The following DLG2 variants were observed in gnomAD, a reference collection of about 807,000 sequenced individuals.
DLG2 encodes discs large MAGUK scaffold protein 2.
A neutral mutation model predicts 132.5 loss-of-function variants in DLG2; 45 were observed. The ratio of observed to expected loss-of-function variants is 0.34; its 90% confidence interval spans 0.27 to 0.44. The LOEUF (loss-of-function observed/expected upper bound fraction) is 0.44. DLG2 is among the 20% of genes least tolerant of loss of function. The pLI, the probability that DLG2 is intolerant of heterozygous loss-of-function variation, is 1.00. For synonymous variants in DLG2, 424 were observed against 419.6 expected (o/e 1.01, Z -0.13); for missense variants, 1,045 against 1,196.9 (o/e 0.87, Z 1.87).
intron 15 of DLG2, among the ~76,000 whole-genome samples, chr11:83,928,646 C>A (rs992489176): frequency 1.8e-4 from 27 of 152,094 alleles, no homozygotes; most frequent in African/African-American, 6.3e-4. Flanking sequence ...CCAGGTCAGT[C>A]ATCATCTGGG....
At chr11:83,561,890 T>C (rs1333023695) in intron 19 of DLG2, among the ~76,000 whole-genome samples, 32 of 136,752 alleles carry the variant, frequency 2.3e-4, no homozygotes, top group Admixed American at 8.6e-4. Flanking sequence ...TTTCTTTTTT[T>C]TTTTTTTTTT....
chr11:84,820,210 C>A (rs934055751), intron 6 of DLG2, among the ~76,000 whole-genome samples: 3 of 151,722 alleles, frequency 2.0e-5, no homozygotes, highest in Non-Finnish European at 2.9e-5. Flanking sequence ...TATTCAGAAC[C>A]ATTATCAGGG....
chr11:84,157,847 G>A (rs925712564), intron 9 of DLG2, among the ~76,000 whole-genome samples: 1 of 152,202 alleles, frequency 6.6e-6, no homozygotes, highest in African/African-American at 2.4e-5. Context: ...TTCACTCTGT[G>A]TGGCAAGTGG....
At chr11:83,618,212 T>C (rs1363254182) in intron 19 of DLG2, among the ~76,000 whole-genome samples, 3 of 152,204 alleles carry the variant, frequency 2.0e-5, no homozygotes, top group Non-Finnish European at 4.4e-5. Flanking sequence ...CAGCAGGTCA[T>C]GATAATATTA....
chr11:84,677,689 G>C (rs374427711), intron 6 of DLG2, among the ~76,000 whole-genome samples: 1 of 151,986 alleles, frequency 6.6e-6, no homozygotes, highest in Non-Finnish European at 1.5e-5. Context: ...CTAGAGACCA[G>C]CTTGATCAGC....
intron 11 of DLG2, among the ~76,000 whole-genome samples, chr11:84,058,110 CCA>C (rs201885408): frequency 0.012 from 1,852 of 152,172 alleles, 38 homozygotes; most frequent in African/African-American, 0.043. Context: ...ATCTTAAATA[CCA>C]CCCACTACTG....
At chr11:84,689,153 C>T (rs1052846988) in intron 6 of DLG2, among the ~76,000 whole-genome samples, 1 of 152,098 alleles carries the variant, frequency 6.6e-6, no homozygotes, top group Admixed American at 6.5e-5. Context: ...ATTGGCTATA[C>T]AGTTTTATCT....
At chr11:83,756,844 G>A (rs2093668750) in intron 18 of DLG2, among the ~76,000 whole-genome samples, 1 of 146,298 alleles carries the variant, frequency 6.8e-6, no homozygotes, top group African/African-American at 2.8e-5. Context: ...ACATTTGTAT[G>A]AGAAAAACCC....
At chr11:84,421,440 C>T (rs1397719440) in intron 7 of DLG2, among the ~76,000 whole-genome samples, 1 of 152,102 alleles carries the variant, frequency 6.6e-6, no homozygotes, top group Non-Finnish European at 1.5e-5. Context: ...GGGTAGAGTG[C>T]AACAATGTGT....
chr11:85,199,656 C>T (rs1191175093), intron 4 of DLG2, among the ~76,000 whole-genome samples: 1 of 152,192 alleles, frequency 6.6e-6, no homozygotes, highest in Non-Finnish European at 1.5e-5. Flanking sequence ...TAGTTGACCT[C>T]TCTTTGGAAA....
intron 21 of DLG2, among the ~76,000 whole-genome samples, chr11:83,509,562 C>A (rs980474766): frequency 2.4e-4 from 37 of 151,918 alleles, no homozygotes; most frequent in African/African-American, 8.5e-4. Flanking sequence ...CTTATGGTAC[C>A]CCATCTCTTA....
intron 4 of DLG2, among the ~76,000 whole-genome samples, chr11:85,246,994 G>C (rs2076167355): frequency 6.6e-6 from 1 of 152,044 alleles, no homozygotes; most frequent in Admixed American, 6.6e-5. Flanking sequence ...GGCATTTTCA[G>C]CTTCATCTTT....
chr11:85,092,854 G>T (rs540000280), intron 6 of DLG2, among the ~76,000 whole-genome samples: 128 of 152,166 alleles, frequency 8.4e-4, no homozygotes, highest in African/African-American at 3.1e-3. Flanking sequence ...TGTTGGCCAG[G>T]ATGGTCTTGA....
At chr11:84,034,974 A>G (rs1324737472) in intron 11 of DLG2, among the ~76,000 whole-genome samples, 1 of 152,138 alleles carries the variant, frequency 6.6e-6, no homozygotes, top group Non-Finnish European at 1.5e-5. Context: ...CTTCTCCAAC[A>G]TAGGTGAACA....
chr11:85,550,671 A>G (rs2076612899), intron 3 of DLG2, among the ~76,000 whole-genome samples: 2 of 152,346 alleles, frequency 1.3e-5, no homozygotes, highest in African/African-American at 4.8e-5. Context: ...AGGCAGAAAC[A>G]TCTGCATGGA....
At chr11:84,404,974 G>T (rs1299078068) in intron 7 of DLG2, among the ~76,000 whole-genome samples, 2 of 152,072 alleles carry the variant, frequency 1.3e-5, no homozygotes, top group African/African-American at 4.8e-5. Flanking sequence ...AGGAAGGAAG[G>T]AAACAAACAC....
At chr11:85,035,346 C>T (rs2154146557) in intron 6 of DLG2, among the ~76,000 whole-genome samples, 1 of 152,218 alleles carries the variant, frequency 6.6e-6, no homozygotes, top group East Asian at 1.9e-4. Context: ...TAAAGAATAC[C>T]TGAGACTAGG....
At chr11:85,447,102 A>C (rs189659297) in intron 3 of DLG2, among the ~76,000 whole-genome samples, 4 of 152,302 alleles carry the variant, frequency 2.6e-5, no homozygotes, top group Admixed American at 2.6e-4. Flanking sequence ...CAGAAGTTCT[A>C]ATCTGCCATT....
chr11:84,329,377 G>C (rs1326668694), intron 7 of DLG2, among the ~76,000 whole-genome samples: 2 of 152,136 alleles, frequency 1.3e-5, no homozygotes, highest in African/African-American at 4.8e-5. Flanking sequence ...GAGGGACCTG[G>C]TGGGGGGTAA....
Sources: allele counts gnomAD v4.1 joint callset (sites outside exome capture counted in the v4.1 genomes callset), GRCh38; gene constraint gnomAD v4.1.1; transcripts MANE v1.5; gene names NCBI Gene and HGNC (gene_info 2026-07-23, HGNC 2026-07-21).